SNTB1: variants seen among roughly 807,000 people sequenced by gnomAD.
SNTB1 encodes beta-1-syntrophin.
Under a neutral mutation model 48.9 loss-of-function variants are expected in SNTB1, and 36 were observed. The observed-to-expected ratio is 0.74, with a 90% confidence interval of 0.56 to 0.97. The LOEUF (loss-of-function observed/expected upper bound fraction) is 0.97, where lower values mean the gene tolerates loss of function less well. Among genes scored for constraint, SNTB1 ranks in the 50% least tolerant of loss-of-function variants. SNTB1 has a pLI of 0.00. For missense variants in SNTB1, 786 were observed against 703.4 expected (o/e 1.12, Z -1.33); for synonymous variants, 299 against 294.6 (o/e 1.01, Z -0.15).
At chr8:120,543,231 T>C (rs972424534) in intron 5 of SNTB1, among the ~76,000 whole-genome samples, 2 of 152,148 alleles carry the variant, frequency 1.3e-5, no homozygotes, top group African/African-American at 4.8e-5. Context: ...AAAAGGTTAT[T>C]AAGGATCAGA....
Position 120,560,827 on chromosome 8 carries a change from G to A in SNTB1, c.1137-11869C>T, listed in dbSNP as rs181977068. On this transcript the variant is annotated intron_variant, in intron 4 of 6. Transcript: ENST00000517992. Reference sequence around the variant, plus strand: ...GGATGCATTATCTTGTTTAATTGCCGCAACGCTTCTTTGAAAGTGGTATTA... The same window carrying A: ...GGATGCATTATCTTGTTTAATTGCCACAACGCTTCTTTGAAAGTGGTATTA... Among the ~76,000 whole-genome samples the A allele has an allele frequency of 1.4e-3, 216 of 152,278 alleles. 2 individuals are homozygous for A. The highest frequency in any genetic ancestry group is 4.7e-3 in the Admixed American group (72 of 15,294).
At chr8:120,801,548 A>G (rs1488844291) in intron 1 of SNTB1, among the ~76,000 whole-genome samples, 2 of 152,124 alleles carry the variant, frequency 1.3e-5, no homozygotes, top group Non-Finnish European at 2.9e-5. Context: ...GCTTCAATCT[A>G]TCAATAAGAT....
chr8:120,787,454 G>A (rs946899285), intron 1 of SNTB1, among the ~76,000 whole-genome samples: 2 of 150,848 alleles, frequency 1.3e-5, no homozygotes, highest in South Asian at 2.1e-4. Context: ...CAGAAGAAAG[G>A]TAAAAAAAAC....
At chr8:120,605,094 T>G (rs1816491795) in intron 3 of SNTB1, among the ~76,000 whole-genome samples, 1 of 152,226 alleles carries the variant, frequency 6.6e-6, no homozygotes, top group Admixed American at 6.5e-5. Context: ...CACTGCATAT[T>G]CCTACACCAA....
intron 1 of SNTB1, among the ~76,000 whole-genome samples, chr8:120,788,959 A>G (rs547214088): frequency 1.3e-5 from 2 of 152,196 alleles, no homozygotes; most frequent in South Asian, 4.1e-4. Context: ...ATCAGCACAC[A>G]AAACATTCTC....
At chr8:120,659,672 C>A (rs947468876) in intron 2 of SNTB1, among the ~76,000 whole-genome samples, 13 of 152,206 alleles carry the variant, frequency 8.5e-5, no homozygotes, top group African/African-American at 2.9e-4. Context: ...GAATTACTAT[C>A]TATGGCAGCT....
In SNTB1 at chr8:120,548,862, ATG is replaced by A. The variant is rs1815429029; in HGVS notation, c.1231_1232del (p.His411SerfsTer26). 2 of 1,613,862 alleles carry A rather than the reference ATG, an allele frequency of 1.2e-6. No homozygotes were observed. Among genetic ancestry groups the A allele is most frequent in the Non-Finnish European group, 8.5e-7 (1 of 1,179,988 alleles). On this transcript the variant is annotated frameshift_variant, in exon 5 of 7. Coordinates refer to ENST00000517992, the MANE Select transcript of SNTB1 (RefSeq NM_021021.4). LOFTEE classifies it high-confidence loss of function. Reference sequence around the variant, plus strand: ...CCCTGCTGGTCTCTGCTCTGAAGAGATGTGTTTCAATCCCTTGCCTGGTACCA... The same window carrying A: ...CCCTGCTGGTCTCTGCTCTGAAGAGATGTTTCAATCCCTTGCCTGGTACCA... ...RTGTRQGIET[H>X]LFRAETSRDL... is the part of the protein sequence containing the mutation.
chr8:120,606,385 C>G (rs1160939688), intron 3 of SNTB1, among the ~76,000 whole-genome samples: 2 of 133,904 alleles, frequency 1.5e-5, no homozygotes, highest in Non-Finnish European at 3.2e-5. Context: ...GTATAAAATA[C>G]TATGTCAGTG....
chr8:120,553,798 G>A (rs1353833093), intron 4 of SNTB1, among the ~76,000 whole-genome samples: 1 of 152,184 alleles, frequency 6.6e-6, no homozygotes, highest in Non-Finnish European at 1.5e-5. Flanking sequence ...AGGCGTTTGA[G>A]ACCAGCCTGA....
intron 1 of SNTB1, among the ~76,000 whole-genome samples, chr8:120,726,761 C>T (rs970928639): frequency 6.6e-6 from 1 of 152,104 alleles, no homozygotes; most frequent in African/African-American, 2.4e-5. Context: ...GTAATCGACA[C>T]TGAACTTCCA....
chr8:120,543,798 G>A (rs747523153), intron 5 of SNTB1, among the ~76,000 whole-genome samples: 2 of 152,182 alleles, frequency 1.3e-5, no homozygotes, highest in East Asian at 1.9e-4. Flanking sequence ...GATATCTTTC[G>A]ACTTGTAACT....
chr8:120,765,055 A>C (rs1399530169), intron 1 of SNTB1, among the ~76,000 whole-genome samples: 1 of 152,110 alleles, frequency 6.6e-6, no homozygotes, highest in African/African-American at 2.4e-5. Context: ...GTGAAACCCC[A>C]TCACTACTAA....
chr8:120,667,649 C>T (rs757590658), intron 2 of SNTB1, among the ~76,000 whole-genome samples: 14 of 152,136 alleles, frequency 9.2e-5, no homozygotes, highest in Non-Finnish European at 1.6e-4. Flanking sequence ...TGAACAACTG[C>T]GTGTGGCCCT....
chr8:120,557,055 A>G (rs1045724228), intron 4 of SNTB1, among the ~76,000 whole-genome samples: 1 of 152,234 alleles, frequency 6.6e-6, no homozygotes, highest in Non-Finnish European at 1.5e-5. Flanking sequence ...TTATACAGGG[A>G]GTCAAAACAG....
chr8:120,793,642 G>C lies in SNTB1; in HGVS notation c.571+17631C>G, dbSNP rs1820075032. On this transcript the variant is annotated intron_variant, in intron 1 of 6. Transcript: ENST00000517992. ...TGAGAACCGGAATTATGAAGATTTGGGTGCTTAGGGTCTAAGGAGTTGTGT... is the reference window on the plus strand; with the variant it reads ...TGAGAACCGGAATTATGAAGATTTGCGTGCTTAGGGTCTAAGGAGTTGTGT... Among the ~76,000 whole-genome samples, 3 of 151,952 alleles carry C rather than the reference G, an allele frequency of 2.0e-5. No homozygotes were observed. The South Asian group carries it at 6.2e-4, about 32-fold the overall frequency.
At chr8:120,542,710 C>CCA (rs5894525) in intron 5 of SNTB1, among the ~76,000 whole-genome samples, 74 of 149,564 alleles carry the variant, frequency 4.9e-4, no homozygotes, top group East Asian at 9.8e-4. Context: ...ACCTTATCAT[C>CCA]CACACACACA....
intron 1 of SNTB1, among the ~76,000 whole-genome samples, chr8:120,742,561 G>C (rs1310255820): frequency 6.6e-6 from 1 of 152,194 alleles, no homozygotes; most frequent in Non-Finnish European, 1.5e-5. Context: ...TCCTCCTACA[G>C]CTGAAGGTAC....
intron 2 of SNTB1, among the ~76,000 whole-genome samples, chr8:120,679,793 A>G (rs1817897607): frequency 6.6e-6 from 1 of 152,064 alleles, no homozygotes; most frequent in East Asian, 1.9e-4. Flanking sequence ...CTCCTAGAAA[A>G]AAGTTCAAGT....
At chr8:120,757,509 C>T (rs73323171) in intron 1 of SNTB1, among the ~76,000 whole-genome samples, 19,849 of 152,142 alleles carry the variant, frequency 0.13, 4,263 homozygotes, top group African/African-American at 0.45. Flanking sequence ...TGCATTTAAA[C>T]ATCTGAAAGG....
Sources: allele counts gnomAD v4.1 joint callset (sites outside exome capture counted in the v4.1 genomes callset), GRCh38; gene constraint gnomAD v4.1.1; transcripts MANE v1.5; gene names NCBI Gene and HGNC (gene_info 2026-07-23, HGNC 2026-07-21).